Variants in CAMKMT observed in about 807,000 individuals in gnomAD.
CAMKMT encodes the protein calmodulin-lysine N-methyltransferase, also known as CaM KMT.
Under a neutral mutation model 48.0 loss-of-function variants are expected in CAMKMT, and 53 were observed. The ratio of observed to expected loss-of-function variants is 1.10; its 90% confidence interval spans 0.89 to 1.39. The LOEUF (loss-of-function observed/expected upper bound fraction) is 1.39. CAMKMT is among the 40% of genes most tolerant of loss of function. The pLI, the probability that CAMKMT is intolerant of heterozygous loss-of-function variation, is 0.00. For missense variants in CAMKMT, 428 were observed against 402.7 expected (o/e 1.06, Z -0.54); for synonymous variants, 165 against 152.3 (o/e 1.08, Z -0.61).
intron 3 of CAMKMT, among the ~76,000 whole-genome samples, chr2:44,670,333 C>T (rs1386326385): frequency 6.6e-6 from 1 of 152,104 alleles, no homozygotes; most frequent in African/African-American, 2.4e-5. Flanking sequence ...AATCTCAATA[C>T]TTTTGGAGGC....
rs143675008 is a variant in CAMKMT at position 44,511,329 on chromosome 2, C to T, written c.376+121024C>T. Among the ~76,000 whole-genome samples the T allele has an allele frequency of 6.2e-4, 94 of 152,336 alleles. 1 individual carries two copies. The East Asian group carries it at 0.015, about 25-fold the overall frequency. ...TTTAAGACGGAGTCTTGCTCTGTCA[C>T]GCAGGCTGGCGTACAATGGCGCCAT... On this transcript the variant is annotated intron_variant, in intron 3 of 10. Coordinates refer to ENST00000378494, the MANE Select transcript of CAMKMT (RefSeq NM_024766.5).
intron 3 of CAMKMT, among the ~76,000 whole-genome samples, chr2:44,683,052 A>C (rs527380200): frequency 7.2e-5 from 11 of 152,332 alleles, no homozygotes; most frequent in Non-Finnish European, 1.0e-4. Flanking sequence ...GAAGGGGGTC[A>C]CTATTTCTAA....
At chr2:44,633,125 A>C (rs773098302) in intron 3 of CAMKMT, among the ~76,000 whole-genome samples, 5 of 151,946 alleles carry the variant, frequency 3.3e-5, no homozygotes, top group Non-Finnish European at 7.4e-5. Flanking sequence ...CCTGGCTTCT[A>C]TTATTTCTGA....
intron 3 of CAMKMT, among the ~76,000 whole-genome samples, chr2:44,519,159 CA>C (rs1670976308): frequency 6.6e-6 from 1 of 152,156 alleles, no homozygotes; most frequent in Non-Finnish European, 1.5e-5. Flanking sequence ...AGAGTGCTAG[CA>C]AAGTTGAAAT....
At chr2:44,478,573 A>G (rs1426382623) in intron 3 of CAMKMT, among the ~76,000 whole-genome samples, 1 of 152,192 alleles carries the variant, frequency 6.6e-6, no homozygotes, top group Non-Finnish European at 1.5e-5. Flanking sequence ...AAATGCTTTC[A>G]AATCTTTAAC....
At chr2:44,595,567 T>C (rs1349208380) in intron 3 of CAMKMT, among the ~76,000 whole-genome samples, 4 of 152,226 alleles carry the variant, frequency 2.6e-5, no homozygotes, top group Non-Finnish European at 5.9e-5. Context: ...ATGACCATAC[T>C]GCCCAAAGTA....
chr2:44,554,241 A>G (rs1225439550), intron 3 of CAMKMT, among the ~76,000 whole-genome samples: 1 of 152,200 alleles, frequency 6.6e-6, no homozygotes, highest in Non-Finnish European at 1.5e-5. Context: ...TAGACAAGGG[A>G]GGAGGAAAAT....
chr2:44,534,621 C>T (rs1242075031), intron 3 of CAMKMT, among the ~76,000 whole-genome samples: 1 of 152,112 alleles, frequency 6.6e-6, no homozygotes, highest in East Asian at 1.9e-4. Flanking sequence ...AAACAACGTG[C>T]TCCTGAATGA....
At chr2:44,497,491 G>C (rs1465989855) in intron 3 of CAMKMT, among the ~76,000 whole-genome samples, 2 of 151,750 alleles carry the variant, frequency 1.3e-5, no homozygotes, top group South Asian at 4.2e-4. Context: ...ATAAGAGAGA[G>C]TAAAAAAAAT....
At chr2:44,680,891 G>A (rs942684929) in intron 3 of CAMKMT, among the ~76,000 whole-genome samples, 2 of 152,188 alleles carry the variant, frequency 1.3e-5, no homozygotes, top group Non-Finnish European at 2.9e-5. Context: ...CCACCCGAAT[G>A]TGCAGTTTCT....
intron 3 of CAMKMT, among the ~76,000 whole-genome samples, chr2:44,468,465 G>T (rs1303973005): frequency 6.6e-6 from 1 of 152,116 alleles, no homozygotes; most frequent in East Asian, 1.9e-4. Flanking sequence ...ACTAAAAATG[G>T]AACTATCATA....
chr2:44,390,570 G>C (rs1681241586), intron 3 of CAMKMT, among the ~76,000 whole-genome samples: 1 of 151,786 alleles, frequency 6.6e-6, no homozygotes, highest in Admixed American at 6.6e-5. Flanking sequence ...GAGATGGAGA[G>C]AGTAGGTCAG....
intron 3 of CAMKMT, among the ~76,000 whole-genome samples, chr2:44,519,594 T>C (rs1670996808): frequency 6.6e-6 from 1 of 152,224 alleles, no homozygotes; most frequent in Non-Finnish European, 1.5e-5. Flanking sequence ...GTGACTTCTT[T>C]CTATCAGAAA....
At chr2:44,501,672 G>C (rs1031056695) in intron 3 of CAMKMT, among the ~76,000 whole-genome samples, 1 of 152,114 alleles carries the variant, frequency 6.6e-6, no homozygotes, top group Non-Finnish European at 1.5e-5. Context: ...GTCTACTCAG[G>C]AAATATTTTT....
At chr2:44,634,454 A>G in intron 3 of CAMKMT, among the ~76,000 whole-genome samples, 1 of 151,704 alleles carries the variant, frequency 6.6e-6, no homozygotes, top group African/African-American at 2.4e-5. Context: ...TTGGAGGTCA[A>G]CTCTAGTACC....
chr2:44,621,542 G>C (rs1344299519), intron 3 of CAMKMT, among the ~76,000 whole-genome samples: 1 of 152,144 alleles, frequency 6.6e-6, no homozygotes, highest in Admixed American at 6.5e-5. Context: ...ACATATTCTA[G>C]GCAGAGGAAA....
At chr2:44,422,973 C>T (rs986367491) in intron 3 of CAMKMT, among the ~76,000 whole-genome samples, 3 of 152,130 alleles carry the variant, frequency 2.0e-5, no homozygotes, top group Admixed American at 2.0e-4. Flanking sequence ...ATGTCCATTA[C>T]ACCTTCAGTC....
At chr2:44,755,403 T>C (rs758891637) in intron 9 of CAMKMT, among the ~76,000 whole-genome samples, 1 of 152,204 alleles carries the variant, frequency 6.6e-6, no homozygotes, top group Admixed American at 6.5e-5. Context: ...GTGATTCTTG[T>C]GGGCATTTGC....
At chr2:44,429,526 G>A (rs1373798027) in intron 3 of CAMKMT, among the ~76,000 whole-genome samples, 2 of 152,046 alleles carry the variant, frequency 1.3e-5, no homozygotes, top group Non-Finnish European at 2.9e-5. Context: ...TTTTGTTGTT[G>A]TTGTTTGAGA....
Sources: allele counts gnomAD v4.1 joint callset (sites outside exome capture counted in the v4.1 genomes callset), GRCh38; gene constraint gnomAD v4.1.1; transcripts MANE v1.5; gene names NCBI Gene and HGNC (gene_info 2026-07-23, HGNC 2026-07-21).